Variants in HACE1 observed in about 807,000 individuals in gnomAD.
The protein encoded by HACE1 is HECT domain and ankyrin repeat containing E3 ubiquitin protein ligase 1, also known as E3 ubiquitin-protein ligase HACE1.
HACE1 carries 73 observed loss-of-function variants against 118.4 expected under a neutral mutation model. That is an observed-to-expected ratio of 0.62 (90% CI 0.51 to 0.75). HACE1 has a LOEUF of 0.75. Ranked by LOEUF, HACE1 falls within the 30% of genes least tolerant of loss-of-function variation. The probability of loss-of-function intolerance (pLI) is 0.00; values close to 1 mark genes in which losing one functional copy is unlikely to be tolerated. For missense variants in HACE1, 749 were observed against 1,102.2 expected (o/e 0.68, Z 4.54); for synonymous variants, 368 against 374.8 (o/e 0.98, Z 0.21).
At chr6:104,850,696 C>G (rs972900640) in intron 3 of HACE1, among the ~76,000 whole-genome samples, 2 of 152,114 alleles carry the variant, frequency 1.3e-5, no homozygotes, top group African/African-American at 4.8e-5. Context: ...TGATATAAAA[C>G]AAAGACAAGA....
chr6:104,794,632 A>G (rs941289934), intron 10 of HACE1, among the ~76,000 whole-genome samples: 2 of 152,252 alleles, frequency 1.3e-5, no homozygotes, highest in Admixed American at 6.5e-5. Context: ...GGCCAGGCGC[A>G]TTGGCGCACG....
chr6:104,858,483 T>C, intron 1 of HACE1: 1 of 399,844 alleles, frequency 2.5e-6, no homozygotes, highest in Non-Finnish European at 5.0e-6. Context: ...GCGGATCACT[T>C]GAGCCCAGGA....
intron 19 of HACE1, among the ~76,000 whole-genome samples, chr6:104,766,124 C>T (rs140874071): frequency 6.6e-6 from 1 of 152,296 alleles, no homozygotes; most frequent in East Asian, 1.9e-4. Context: ...ATGAGTAATG[C>T]ACAAATGCAC....
At chr6:104,761,571 G>GT (rs1238901299) in intron 19 of HACE1, among the ~76,000 whole-genome samples, 2 of 152,090 alleles carry the variant, frequency 1.3e-5, no homozygotes, top group African/African-American at 2.4e-5. Context: ...AGACTTAAAC[G>GT]TAAGACCTAG....
chr6:104,737,336 C>T (rs1471673201), intron 22 of HACE1, among the ~76,000 whole-genome samples: 1 of 147,022 alleles, frequency 6.8e-6, no homozygotes, highest in South Asian at 2.2e-4. Context: ...CCAAGATGGC[C>T]AAATAGGAAC....
intron 6 of HACE1, among the ~76,000 whole-genome samples, chr6:104,826,793 CTT>C (rs1428380449): frequency 6.6e-6 from 1 of 152,126 alleles, no homozygotes; most frequent in Admixed American, 6.6e-5. Flanking sequence ...ACAAAACAGA[CTT>C]TTAAAAAAAT....
intron 4 of HACE1, among the ~76,000 whole-genome samples, chr6:104,844,225 C>T (rs375795792): frequency 7.9e-5 from 12 of 151,858 alleles, no homozygotes; most frequent in African/African-American, 2.4e-4. Flanking sequence ...TTAGTAGAAA[C>T]GGGGTTTCAC....
intron 22 of HACE1, 77 bp from the exon 23 acceptor site, chr6:104,730,493 A>G: frequency 1.3e-6 from 1 of 791,272 alleles, no homozygotes. Flanking sequence ...GTTCTAAGTT[A>G]GGGTAGGAAT....
chr6:104,788,638 T>G (rs1348598628), intron 11 of HACE1, among the ~76,000 whole-genome samples: 1 of 152,054 alleles, frequency 6.6e-6, no homozygotes, highest in Non-Finnish European at 1.5e-5. Flanking sequence ...AAATTGTAAG[T>G]CTATGAAACC....
At chr6:104,789,747 C>G (rs1425952275) in intron 11 of HACE1, among the ~76,000 whole-genome samples, 1 of 152,084 alleles carries the variant, frequency 6.6e-6, no homozygotes, top group Non-Finnish European at 1.5e-5. Flanking sequence ...TTGACCACAT[C>G]TATACCTGAT....
intron 19 of HACE1, among the ~76,000 whole-genome samples, chr6:104,758,731 C>G (rs1485817987): frequency 6.6e-6 from 1 of 152,018 alleles, no homozygotes; most frequent in Admixed American, 6.6e-5. Flanking sequence ...GGCTAAATGA[C>G]CCAATTAAAA....
intron 14 of HACE1, among the ~76,000 whole-genome samples, chr6:104,777,833 C>T (rs1781370628): frequency 6.6e-6 from 1 of 152,188 alleles, no homozygotes; most frequent in African/African-American, 2.4e-5. Flanking sequence ...GATCTCTGCT[C>T]ACTGCAACCT....
intron 17 of HACE1, 66 bp downstream of exon 17, chr6:104,776,675 A>G: frequency 1.1e-6 from 1 of 939,454 alleles, no homozygotes; most frequent in Non-Finnish European, 1.8e-6. Context: ...CAAAAATAAA[A>G]TGTACTGAAA....
At chr6:104,829,025 T>C (rs1773601007) in intron 6 of HACE1, among the ~76,000 whole-genome samples, 1 of 152,064 alleles carries the variant, frequency 6.6e-6, no homozygotes, top group Non-Finnish European at 1.5e-5. Flanking sequence ...ATGTGCTTTA[T>C]TTCTTAATGG....
chr6:104,819,012 C>G (rs1306974909), intron 6 of HACE1, among the ~76,000 whole-genome samples: 1 of 152,138 alleles, frequency 6.6e-6, no homozygotes, highest in Non-Finnish European at 1.5e-5. Context: ...CACCCCTATT[C>G]AACACAGTAT....
At chr6:104,841,457 C>T (rs988929021) in intron 5 of HACE1, among the ~76,000 whole-genome samples, 4 of 152,010 alleles carry the variant, frequency 2.6e-5, no homozygotes, top group Non-Finnish European at 4.4e-5. Context: ...TTGCACGTAC[C>T]GTGTCACTAA....
chr6:104,807,123 A>T (rs1198671421), intron 7 of HACE1, among the ~76,000 whole-genome samples: 2 of 150,560 alleles, frequency 1.3e-5, no homozygotes, highest in East Asian at 3.9e-4. Context: ...TTTCAGATTC[A>T]AGTGATTCTC....
At chr6:104,733,958 G>C (rs1171936967) in intron 22 of HACE1, among the ~76,000 whole-genome samples, 1 of 151,832 alleles carries the variant, frequency 6.6e-6, no homozygotes, top group African/African-American at 2.4e-5. Context: ...ATCGAGACCA[G>C]CCTGGCCAAC....
Position 104,751,640 on chromosome 6 carries a change from A to T in HACE1, c.2212-1168T>A, listed in dbSNP as rs190218242. Among the ~76,000 whole-genome samples the T allele has an allele frequency of 1.2e-3, 182 of 152,296 alleles. 1 individual carries two copies. Among genetic ancestry groups the T allele is most frequent in the African/African-American group, 4.3e-3 (178 of 41,562 alleles). On this transcript the variant is annotated intron_variant, in intron 19 of 23. Transcript: ENST00000262903. ...GCAAGATCCTGTCTCTTAAAGAAAA[A>T]AATAATAATAATAACTGGTAATTTA...
Sources: allele counts gnomAD v4.1 joint callset (sites outside exome capture counted in the v4.1 genomes callset), GRCh38; gene constraint gnomAD v4.1.1; transcripts MANE v1.5; gene names NCBI Gene and HGNC (gene_info 2026-07-23, HGNC 2026-07-21).